The following PDE10A variants were observed in gnomAD, a reference collection of about 807,000 sequenced individuals.
The protein encoded by PDE10A is cAMP and cAMP-inhibited cGMP 3',5'-cyclic phosphodiesterase 10A.
PDE10A carries 39 observed loss-of-function variants against 97.7 expected under a neutral mutation model. The observed-to-expected ratio is 0.40, with a 90% CI of 0.31 to 0.52. The LOEUF is 0.52. Among genes scored for constraint, PDE10A ranks in the 20% least tolerant of loss-of-function variants. The pLI, the probability that PDE10A is intolerant of heterozygous loss-of-function variation, is 0.56. For missense variants in PDE10A, 731 were observed against 1,047.8 expected (o/e 0.70, Z 4.17); for synonymous variants, 371 against 376.8 (o/e 0.98, Z 0.18).
chr6:165,359,703 G>T (rs1201206030), intron 18 of PDE10A, among the ~76,000 whole-genome samples: 1 of 152,098 alleles, frequency 6.6e-6, no homozygotes, highest in Non-Finnish European at 1.5e-5. Flanking sequence ...CTTCTTGATT[G>T]TGGGTCCTAT....
intron 1 of PDE10A, among the ~76,000 whole-genome samples, chr6:165,657,159 C>T (rs1196347687): frequency 6.6e-6 from 1 of 152,222 alleles, no homozygotes; most frequent in Admixed American, 6.5e-5. Context: ...CATGGAGCTT[C>T]CTTTCCAGAG....
At chr6:165,622,348 G>T (rs770859626) in intron 1 of PDE10A, among the ~76,000 whole-genome samples, 1 of 152,104 alleles carries the variant, frequency 6.6e-6, no homozygotes, top group Non-Finnish European at 1.5e-5. Flanking sequence ...CGTGTTGCTA[G>T]TTGGTTTCAT....
intron 1 of PDE10A, among the ~76,000 whole-genome samples, chr6:165,643,171 G>T (rs528329310): frequency 1.3e-5 from 2 of 152,278 alleles, no homozygotes; most frequent in East Asian, 3.9e-4. Context: ...AGGACGGATG[G>T]TGGGTAGATG....
At chr6:165,858,767 T>C (rs1780818930) in intron 1 of PDE10A, among the ~76,000 whole-genome samples, 1 of 152,180 alleles carries the variant, frequency 6.6e-6, no homozygotes, top group African/African-American at 2.4e-5. Flanking sequence ...ATGCTCCTCC[T>C]TGTGGCCATT....
chr6:165,861,381 T>C (rs2934847), intron 1 of PDE10A, among the ~76,000 whole-genome samples: 108,341 of 150,374 alleles, frequency 0.72, 39,457 homozygotes, highest in East Asian at 0.96. Context: ...AGGACACAGC[T>C]TGTCCTCTCG....
In PDE10A at chr6:165,765,776, GT is replaced by G. The variant is rs1583057631; in HGVS notation, c.-615+221752del. Among the ~76,000 whole-genome samples, 6 of 152,386 alleles carry G rather than the reference GT, an allele frequency of 3.9e-5. No individual in the cohort carries two copies. The South Asian group carries it at 1.2e-3, about 32-fold the overall frequency. Reference sequence around the variant, plus strand: ...GAAGGGCTCCTCAAGTGCCGCCAAAGTGGGAGCCCAGGCAGAGGAGGCACCC... The same window carrying G: ...GAAGGGCTCCTCAAGTGCCGCCAAAGGGGAGCCCAGGCAGAGGAGGCACCC... On this transcript the variant is annotated intron_variant, in intron 1 of 19. Transcript: ENST00000366882.
chr6:165,939,463 G>A (rs968668835), intron 1 of PDE10A: 2 of 151,982 alleles, frequency 1.3e-5, no homozygotes, highest in African/African-American at 4.8e-5. Context: ...AAATTTTTTG[G>A]ACTTTTAAAT....
At chr6:165,800,611 C>A (rs1778956865) in intron 1 of PDE10A, among the ~76,000 whole-genome samples, 2 of 152,154 alleles carry the variant, frequency 1.3e-5, no homozygotes, top group African/African-American at 4.8e-5. Context: ...ACCCAAAGTC[C>A]CACCCCCCGA....
chr6:165,943,277 AAG>A lies in PDE10A; in HGVS notation c.-615+44250_-615+44251del, dbSNP rs1222000208. Among the ~76,000 whole-genome samples the A allele has an allele frequency of 1.8e-4, 25 of 136,066 alleles. 2 individuals are homozygous for A. Among genetic ancestry groups the A allele is most frequent in the African/African-American group, 7.0e-4 (23 of 32,750 alleles). The allele number at this position is 136,066 out of a possible 152,430, so 89.3% of individuals were successfully genotyped here. ...AAGGAAGGAAGGAAGGAAGGAAGGA[AAG>A]AAAGAAAGAAAGAAGGAAAGAAAGA... On this transcript the variant is annotated intron_variant, in intron 1 of 19. Transcript: ENST00000366882.
At chr6:165,741,157 G>T (rs1337134552) in intron 1 of PDE10A, among the ~76,000 whole-genome samples, 2 of 152,028 alleles carry the variant, frequency 1.3e-5, no homozygotes, top group Non-Finnish European at 2.9e-5. Context: ...ACTATATGAG[G>T]TACTGGATAT....
At chr6:165,756,033 A>G (rs1793110471) in intron 1 of PDE10A, among the ~76,000 whole-genome samples, 1 of 152,174 alleles carries the variant, frequency 6.6e-6, no homozygotes, top group South Asian at 2.1e-4. Flanking sequence ...CAGCGTCCTA[A>G]ACAAATCCCG....
intron 2 of PDE10A, among the ~76,000 whole-genome samples, chr6:165,506,531 G>T (rs1329584481): frequency 6.6e-6 from 1 of 152,056 alleles, no homozygotes; most frequent in Non-Finnish European, 1.5e-5. Flanking sequence ...AAGCAATTGT[G>T]GGCACGTTCA....
intron 1 of PDE10A, among the ~76,000 whole-genome samples, chr6:165,633,931 C>A (rs1019596590): frequency 2.6e-5 from 4 of 151,972 alleles, no homozygotes; most frequent in African/African-American, 9.7e-5. Flanking sequence ...TAACCTGAAT[C>A]CTTATAAATT....
chr6:165,894,130 A>T (rs1033363677), intron 1 of PDE10A: 1 of 358,804 alleles, frequency 2.8e-6, no homozygotes, highest in African/African-American at 2.1e-5. Flanking sequence ...AGAATAAAAT[A>T]TGGCTTGACT....
At chr6:165,938,610 C>T (rs1295058765) in intron 1 of PDE10A, among the ~76,000 whole-genome samples, 4 of 152,148 alleles carry the variant, frequency 2.6e-5, no homozygotes, top group Non-Finnish European at 5.9e-5. Context: ...CCTGGGGCTT[C>T]CTTCAGTGAG....
intron 1 of PDE10A, among the ~76,000 whole-genome samples, chr6:165,749,044 A>G (rs1792906601): frequency 6.6e-6 from 1 of 152,176 alleles, no homozygotes. Context: ...TAATATTCTA[A>G]TCTCTCATCT....
At chr6:165,497,710 C>A (rs1780620372) in intron 2 of PDE10A, among the ~76,000 whole-genome samples, 2 of 152,094 alleles carry the variant, frequency 1.3e-5, no homozygotes, top group South Asian at 4.1e-4. Flanking sequence ...GCAAATGCAA[C>A]CAACCTTAAG....
intron 1 of PDE10A, among the ~76,000 whole-genome samples, chr6:165,963,450 G>A (rs1784415694): frequency 6.6e-6 from 1 of 152,174 alleles, no homozygotes; most frequent in African/African-American, 2.4e-5. Context: ...TAGTTCCGGA[G>A]GGAATGCCTG....
At chr6:165,924,388 C>T (rs1562800281) in intron 1 of PDE10A, among the ~76,000 whole-genome samples, 1 of 152,216 alleles carries the variant, frequency 6.6e-6, no homozygotes, top group East Asian at 1.9e-4. Context: ...GGAATATCCC[C>T]CTCTGTGTGT....
Sources: allele counts gnomAD v4.1 joint callset (sites outside exome capture counted in the v4.1 genomes callset), GRCh38; gene constraint gnomAD v4.1.1; transcripts MANE v1.5; gene names NCBI Gene and HGNC (gene_info 2026-07-23, HGNC 2026-07-21).